GRID1: variants seen among roughly 807,000 people sequenced by gnomAD.
The protein encoded by GRID1 is glutamate ionotropic receptor delta type subunit 1.
A neutral mutation model predicts 98.0 loss-of-function variants in GRID1; 28 were observed. That is an observed-to-expected ratio of 0.29 (90% CI 0.21 to 0.39). The LOEUF is 0.39. GRID1 is among the 10% of genes least tolerant of loss of function. The pLI is 1.00. For missense variants in GRID1, 1,111 were observed against 1,340.5 expected (o/e 0.83, Z 2.67); for synonymous variants, 553 against 538.5 (o/e 1.03, Z -0.37).
intron 8 of GRID1, among the ~76,000 whole-genome samples, chr10:85,780,660 C>A (rs1842373400): frequency 6.6e-6 from 1 of 152,146 alleles, no homozygotes; most frequent in Non-Finnish European, 1.5e-5. Flanking sequence ...ACTTCTGAGC[C>A]AGCTTCCTGA....
chr10:85,988,625 A>G (rs562971762), intron 4 of GRID1, among the ~76,000 whole-genome samples: 6 of 152,294 alleles, frequency 3.9e-5, no homozygotes, highest in Non-Finnish European at 7.3e-5. Flanking sequence ...CAGCTCAAGC[A>G]CTAAGTTCCC....
At chr10:85,997,526 G>A (rs573617064) in intron 4 of GRID1, among the ~76,000 whole-genome samples, 3 of 151,998 alleles carry the variant, frequency 2.0e-5, no homozygotes, top group South Asian at 2.1e-4. Context: ...CTATAAAAAC[G>A]TAAGTATGCA....
At chr10:86,123,487 C>T (rs1844707721) in intron 4 of GRID1, among the ~76,000 whole-genome samples, 1 of 152,200 alleles carries the variant, frequency 6.6e-6, no homozygotes, top group South Asian at 2.1e-4. Flanking sequence ...CACCCACCCC[C>T]ACACCCACAC....
At chr10:85,922,178 A>G (rs1841714931) in intron 4 of GRID1, among the ~76,000 whole-genome samples, 1 of 152,242 alleles carries the variant, frequency 6.6e-6, no homozygotes, top group African/African-American at 2.4e-5. Context: ...CCCCGTAACA[A>G]TGGGAACAAA....
chr10:85,836,235 A>C (rs1488723804), intron 8 of GRID1, among the ~76,000 whole-genome samples: 1 of 152,166 alleles, frequency 6.6e-6, no homozygotes, highest in Non-Finnish European at 1.5e-5. Flanking sequence ...ATTGTTCTTC[A>C]AAAAATCAAT....
intron 12 of GRID1, among the ~76,000 whole-genome samples, chr10:85,688,818 C>A (rs1235164402): frequency 6.6e-6 from 1 of 152,026 alleles, no homozygotes. Context: ...GGACCAGGAC[C>A]CCACATGTCA....
intron 4 of GRID1, among the ~76,000 whole-genome samples, chr10:86,001,134 A>C (rs1195613876): frequency 6.6e-6 from 1 of 152,230 alleles, no homozygotes; most frequent in African/African-American, 2.4e-5. Context: ...TTACAGTCTC[A>C]AAATGATAAA....
At chr10:86,325,922 T>C (rs193201116) in intron 2 of GRID1, among the ~76,000 whole-genome samples, 98 of 152,298 alleles carry the variant, frequency 6.4e-4, no homozygotes, top group African/African-American at 2.0e-3. Context: ...TGGACAAGTG[T>C]TGAAAAAGGA....
In GRID1 at chr10:85,774,145, G is replaced by A. The variant is rs558144318; in HGVS notation, c.1234-44531C>T. 2.4e-4 allele frequency among the ~76,000 whole-genome samples: 36 copies of A among 152,288 alleles called. No homozygotes were observed. In the East Asian group the frequency reaches 3.5e-3, roughly 15 times the overall value. ...AACAGAGATAGCGATCAATGGAACA[G>A]AACAGAGCCCTCAGAAATAACGCCG... On this transcript the variant is annotated intron_variant, in intron 8 of 15. Coordinates refer to ENST00000327946, the MANE Select transcript of GRID1 (RefSeq NM_017551.3).
chr10:86,333,923 A>G (rs995234716), intron 2 of GRID1, among the ~76,000 whole-genome samples: 8 of 152,106 alleles, frequency 5.3e-5, no homozygotes, highest in Non-Finnish European at 1.2e-4. Flanking sequence ...CACAGTTCAA[A>G]CCAATGCTGT....
intron 2 of GRID1, among the ~76,000 whole-genome samples, chr10:86,207,628 C>CTTTTTTTT (rs71016123): frequency 9.4e-5 from 10 of 106,222 alleles, no homozygotes; most frequent in Non-Finnish European, 1.4e-4. Context: ...GATGCAGTTT[C>CTTTTTTTT]TTTTTTTTTT....
intron 4 of GRID1, among the ~76,000 whole-genome samples, chr10:86,129,823 C>A (rs542062737): frequency 9.2e-5 from 14 of 152,344 alleles, no homozygotes; most frequent in African/African-American, 3.4e-4. Flanking sequence ...CAGTTCCCCC[C>A]TCAAGAGCAG....
chr10:85,753,689 C>T (rs951471435), intron 8 of GRID1, among the ~76,000 whole-genome samples: 5 of 152,228 alleles, frequency 3.3e-5, no homozygotes, highest in African/African-American at 9.6e-5. Flanking sequence ...TTATAGCCTA[C>T]AGCTATGTCC....
intron 8 of GRID1, among the ~76,000 whole-genome samples, chr10:85,799,881 C>T (rs1842559992): frequency 6.6e-6 from 1 of 151,920 alleles, no homozygotes; most frequent in African/African-American, 2.4e-5. Flanking sequence ...GTTCTCATCA[C>T]AAAGAAATGA....
At chr10:86,170,676 T>TAC (rs1310272282) in intron 3 of GRID1, among the ~76,000 whole-genome samples, 5 of 151,492 alleles carry the variant, frequency 3.3e-5, no homozygotes, top group Admixed American at 1.3e-4. Flanking sequence ...CCCACACACA[T>TAC]ACACACACAC....
intron 4 of GRID1, among the ~76,000 whole-genome samples, chr10:86,078,563 G>T (rs186103320): frequency 3.2e-4 from 49 of 152,320 alleles, no homozygotes; most frequent in Non-Finnish European, 6.0e-4. Flanking sequence ...AAGACTTCAT[G>T]TTCTCAAAAG....
At chr10:86,272,680 C>T (rs1847203125) in intron 2 of GRID1, among the ~76,000 whole-genome samples, 1 of 152,164 alleles carries the variant, frequency 6.6e-6, no homozygotes, top group Non-Finnish European at 1.5e-5. Context: ...CTCAAAGACA[C>T]TTGGGACAAA....
chr10:85,687,198 G>T (rs371127308), intron 12 of GRID1, among the ~76,000 whole-genome samples: 10 of 151,744 alleles, frequency 6.6e-5, no homozygotes, highest in South Asian at 4.1e-4. Flanking sequence ...TCAAACTTCA[G>T]CAATATCTTT....
At chr10:86,110,162 C>T (rs1343144481) in intron 4 of GRID1, among the ~76,000 whole-genome samples, 1 of 152,060 alleles carries the variant, frequency 6.6e-6, no homozygotes, top group Non-Finnish European at 1.5e-5. Context: ...TTAGTAGAGA[C>T]AGGGTTTCAC....
Sources: allele counts gnomAD v4.1 joint callset (sites outside exome capture counted in the v4.1 genomes callset), GRCh38; gene constraint gnomAD v4.1.1; transcripts MANE v1.5; gene names NCBI Gene and HGNC (gene_info 2026-07-23, HGNC 2026-07-21).